AEBP1: variants seen among roughly 807,000 people sequenced by gnomAD.
AEBP1 encodes the protein AE binding protein 1.
Under a neutral mutation model 116.5 loss-of-function variants are expected in AEBP1, and 69 were observed. The observed-to-expected ratio is 0.59, with a 90% CI of 0.49 to 0.72. The LOEUF is 0.72. AEBP1 is among the 30% of genes least tolerant of loss of function. The probability of loss-of-function intolerance (pLI) is 0.00; values close to 1 mark genes in which losing one functional copy is unlikely to be tolerated. For synonymous variants in AEBP1, 627 were observed against 627.3 expected (o/e 1.00, Z 0.01); for missense variants, 1,444 against 1,557.5 (o/e 0.93, Z 1.23).
rs2096231211 is a variant in AEBP1, at chr7:44,112,861, G to A, written c.2521G>A (p.Gly841Ser). 1.2e-6 allele frequency: 2 copies of A among 1,612,278 alleles called. No homozygotes were observed. Among genetic ancestry groups the A allele is most frequent in the Non-Finnish European group, 1.7e-6 (2 of 1,179,472 alleles). The change falls in exon 18 of 21, where the codon GGC becomes AGC. Residue 841 changes from glycine (G) to serine (S), a missense_variant. Transcript: ENST00000223357. This position sits in a 1 kb window ranked among gnomAD's most constrained non-coding sequence, Gnocchi z 6.6. ...AGGCTGCCAAGCCCAGGACTACACC[G>A]GCGGCATGGGCATCGTCAACGGGGC... ...RGGCQAQDYT[G>S]GMGIVNGAKW...
intron 1 of AEBP1, among the ~76,000 whole-genome samples, chr7:44,105,173 C>T (rs959222428): frequency 2.6e-5 from 4 of 152,206 alleles, no homozygotes; most frequent in African/African-American, 9.6e-5. Context: ...TGTGGTTGTA[C>T]GGGTCGCTTA....
At position 44,108,030 on chromosome 7, in the gene AEBP1, C is replaced by T. The variant is rs753288702; in HGVS notation, c.886C>T (p.Pro296Ser). The change falls in exon 6 of 21, where the codon CCC becomes TCC. Residue 296 changes from proline (P) to serine (S), a missense_variant. By Grantham distance (74) the Pro-to-Ser change is moderately conservative. Coordinates refer to ENST00000223357, the MANE Select transcript of AEBP1 (RefSeq NM_001129.5). This position sits in a 1 kb window ranked among gnomAD's most constrained non-coding sequence, Gnocchi z 5.0. ...AGAGCCTCCTGTGAAGCCTCTGCTGCCCCCGCTGCCCCCTGACTATGGTGA... is the reference window on the plus strand; with the variant it reads ...AGAGCCTCCTGTGAAGCCTCTGCTGTCCCCGCTGCCCCCTGACTATGGTGA... ...RIEPPVKPLL[P>S]PLPPDYGDGY... The T allele has an allele frequency of 1.1e-5, 18 of 1,595,174 alleles. No homozygotes were observed. In the South Asian group the frequency reaches 1.5e-4, roughly 13 times the overall value.
At position 44,108,687 on chromosome 7, in the gene AEBP1, C is replaced by G. The variant is rs1245053033; in HGVS notation, c.941-212C>G. Among the ~76,000 whole-genome samples, 1 of 152,198 alleles carries G rather than the reference C, an allele frequency of 6.6e-6. No homozygotes were observed. The highest frequency in any genetic ancestry group is 6.5e-5 in the Admixed American group (1 of 15,288). On this transcript the variant is annotated intron_variant, in intron 6 of 20. Transcript: ENST00000223357. The surrounding 1 kb of genome is among the most constrained non-coding windows in gnomAD (Gnocchi z 5.0). ...CCCCAGGCCAGATGCTCCTGGAAGG[C>G]CGGGCTGGTGACTTCAGCAGGGTCT... is the stretch of plus-strand genomic sequence containing the variant.
rs1392862513 is a variant in AEBP1, at chr7:44,107,161, G to A, written c.595+274G>A. On this transcript the variant is annotated intron_variant, in intron 2 of 20. Coordinates refer to ENST00000223357, the MANE Select transcript of AEBP1 (RefSeq NM_001129.5). The surrounding 1 kb of genome is among the most constrained non-coding windows in gnomAD (Gnocchi z 4.3). ...AGATGTCCCTGGGCTCTGAGCCCATGGAGTTCCCTCCTGCCTTCTCCCGCT... is the reference window on the plus strand; with the variant it reads ...AGATGTCCCTGGGCTCTGAGCCCATAGAGTTCCCTCCTGCCTTCTCCCGCT... Among the ~76,000 whole-genome samples, 1 of 152,206 alleles carries A rather than the reference G, an allele frequency of 6.6e-6. No homozygotes were observed. Among genetic ancestry groups the A allele is most frequent in the Non-Finnish European group, 1.5e-5 (1 of 68,024 alleles).
At position 44,107,423 on chromosome 7, in the gene AEBP1, A is replaced by G; in HGVS notation, c.596-16A>G. ...AGGCCTCCCGCCCACCTGCTTCTGG[A>G]ACTCCTGTGTTGCAGGGGCGCCCCT... On this transcript the variant is annotated splice_polypyrimidine_tract_variant and intron_variant, in intron 2 of 20. Transcript: ENST00000223357. This position sits in a 1 kb window ranked among gnomAD's most constrained non-coding sequence, Gnocchi z 4.3. 1 of 1,612,952 alleles carries G rather than the reference A, an allele frequency of 6.2e-7. No homozygotes were observed. Among genetic ancestry groups the G allele is most frequent in the Non-Finnish European group, 8.5e-7 (1 of 1,179,822 alleles).
In AEBP1 at chr7:44,109,252, G is replaced by A. The variant is rs747368840; in HGVS notation, c.1097-36G>A. On this transcript the variant is annotated intron_variant, in intron 8 of 20. Transcript: ENST00000223357. ...ATCTGGACTCCTGATTGCCTCCCGG[G>A]CCCTTGGTGCCATGTCCTCCCTTCA... The A allele has an allele frequency of 2.7e-5, 44 of 1,611,562 alleles. No individual in the cohort carries two copies. In the African/African-American group the frequency reaches 3.2e-4, roughly 12 times the overall value.
Position 44,112,054 on chromosome 7 carries a change from G to T in AEBP1, c.2037+4G>T, listed in dbSNP as rs756351107. The stretch of plus-strand genomic sequence containing the variant: ...CTACGAGGTGGCAGCGCAGATGGTG[G>T]GTTGAAGGGTGAGGCTGGCCAGGGT... On this transcript the variant is annotated splice_donor_region_variant and intron_variant, in intron 16 of 20. Coordinates refer to ENST00000223357, the MANE Select transcript of AEBP1 (RefSeq NM_001129.5). The surrounding 1 kb of genome is among the most constrained non-coding windows in gnomAD (Gnocchi z 6.6). The T allele has an allele frequency of 6.2e-7, 1 of 1,611,006 alleles. No homozygotes were observed. Among genetic ancestry groups the T allele is most frequent in the East Asian group, 2.2e-5 (1 of 44,806 alleles).
At position 44,112,624 on chromosome 7, in the gene AEBP1, C is replaced by G. The variant is rs1050913208; in HGVS notation, c.2284C>G (p.Leu762Val). 11 of 1,610,972 alleles carry G rather than the reference C, an allele frequency of 6.8e-6. No individual in the cohort carries two copies. In the African/African-American group the frequency reaches 1.3e-4, roughly 20 times the overall value. Residue 762 changes from leucine (L) to valine (V), a missense_variant, in exon 18 of 21, where the codon CTG (leucine) becomes GTG (valine). Physicochemically the swap from Leu to Val is conservative, Grantham distance 32. Coordinates refer to ENST00000223357, the MANE Select transcript of AEBP1 (RefSeq NM_001129.5). The surrounding 1 kb of genome is among the most constrained non-coding windows in gnomAD (Gnocchi z 6.6). Reference sequence around the variant, plus strand: ...GAACCCCTTCGTGCTGGGAGCAAATCTGAACGGCGGCGAGCGGCTAGTATC... The same window carrying G: ...GAACCCCTTCGTGCTGGGAGCAAATGTGAACGGCGGCGAGCGGCTAGTATC... ...EKNPFVLGAN[L>V]NGGERLVSYP... is the part of the protein sequence containing the mutation.
At position 44,109,506 on chromosome 7, in the gene AEBP1, G is replaced by A. The variant is rs11975703; in HGVS notation, c.1150+165G>A. 0.43 allele frequency: 333,287 copies of A among 779,210 alleles called. 74,100 individuals carry two copies. The highest frequency in any genetic ancestry group is 0.47 in the Non-Finnish European group (237,658 of 506,218). 48.3% of individuals were successfully genotyped at this position (779,210 alleles called of 1,614,324 possible). On this transcript the variant is annotated intron_variant, in intron 9 of 20. Coordinates refer to ENST00000223357, the MANE Select transcript of AEBP1 (RefSeq NM_001129.5). ...GGCCCCGGGAGCCCAGGATAGCCTC[G>A]CTTGGCTGCCCCAGCCCTGGACCCC... is the stretch of plus-strand genomic sequence containing the variant.
rs1467090577 is a variant in AEBP1 at position 44,104,775 on chromosome 7, T to G, written c.110T>G (p.Phe37Cys). 6.2e-7 allele frequency: 1 copy of G among 1,611,292 alleles called. No homozygotes were observed. Among genetic ancestry groups the G allele is most frequent in the African/African-American group, 1.3e-5 (1 of 74,874 alleles). The change falls in exon 1 of 21, where the codon TTC becomes TGC. Residue 37 changes from phenylalanine (F) to cysteine (C), a missense_variant. Coordinates refer to ENST00000223357, the MANE Select transcript of AEBP1 (RefSeq NM_001129.5). ...CTGACCGACGACGAGATCGAGGAGTTCCTCGAGGGCTTCCTGTCAGAGCTA... is the reference window on the plus strand; with the variant it reads ...CTGACCGACGACGAGATCGAGGAGTGCCTCGAGGGCTTCCTGTCAGAGCTA... The part of the protein sequence containing the change: ...TVLTDDEIEE[F>C]LEGFLSELEP...
rs1408696317 is a variant in AEBP1 at position 44,109,284 on chromosome 7, C to T, written c.1097-4C>T. ...GTGCCATGTCCTCCCTTCATTGTCCCTAGAGCCCCGAAAGGGCGAGGAGTT... is the reference window on the plus strand; with the variant it reads ...GTGCCATGTCCTCCCTTCATTGTCCTTAGAGCCCCGAAAGGGCGAGGAGTT... On this transcript the variant is annotated splice_region_variant and splice_polypyrimidine_tract_variant and intron_variant, in intron 8 of 20. Coordinates refer to ENST00000223357, the MANE Select transcript of AEBP1 (RefSeq NM_001129.5). The T allele has an allele frequency of 1.2e-6, 2 of 1,609,946 alleles. No homozygotes were observed. Among genetic ancestry groups the T allele is most frequent in the African/African-American group, 1.3e-5 (1 of 74,632 alleles).
rs370460254 is a variant in AEBP1, at chr7:44,109,047, C to A, written c.1019-60C>A. 66 of 1,611,220 alleles carry A rather than the reference C, an allele frequency of 4.1e-5. No individual in the cohort carries two copies. In the African/African-American group the frequency reaches 4.5e-4, roughly 11 times the overall value. ...CACCTGGGGCCTGCCTGATCCACCCCACATGGTCCTCAAAGCCCAGAGCCA... is the reference window on the plus strand; with the variant it reads ...CACCTGGGGCCTGCCTGATCCACCCAACATGGTCCTCAAAGCCCAGAGCCA... On this transcript the variant is annotated intron_variant, in intron 7 of 20. Transcript: ENST00000223357.
Position 44,111,346 on chromosome 7 carries a change from T to C in AEBP1, c.1716+107T>C, listed in dbSNP as rs1337837392. 1 of 1,404,176 alleles carries C rather than the reference T, an allele frequency of 7.1e-7. No individual in the cohort carries two copies. Among genetic ancestry groups the C allele is most frequent in the Non-Finnish European group, 9.4e-7 (1 of 1,058,618 alleles). 87.0% of individuals were successfully genotyped at this position (1,404,176 alleles called of 1,614,324 possible). A position where few individuals can be genotyped will look rare whatever the true frequency, so the allele number is the denominator to read the frequency against. On this transcript the variant is annotated intron_variant, in intron 14 of 20. Coordinates refer to ENST00000223357, the MANE Select transcript of AEBP1 (RefSeq NM_001129.5). The surrounding 1 kb of genome is among the most constrained non-coding windows in gnomAD (Gnocchi z 4.7). The stretch of plus-strand genomic sequence containing the variant: ...GCCCAGTCCCTACTGGTTCCAGGGA[T>C]GCTGGCTGTCCCTCACCTTAGGAAG...
In AEBP1 at chr7:44,111,250, T is replaced by C; in HGVS notation, c.1716+11T>C. The C allele has an allele frequency of 1.3e-6, 2 of 1,509,680 alleles. No homozygotes were observed. The highest frequency in any genetic ancestry group is 1.8e-6 in the Non-Finnish European group (2 of 1,129,350). 93.5% of individuals were successfully genotyped at this position (1,509,680 alleles called of 1,614,324 possible). On this transcript the variant is annotated intron_variant, in intron 14 of 20. Coordinates refer to ENST00000223357, the MANE Select transcript of AEBP1 (RefSeq NM_001129.5). This position sits in a 1 kb window ranked among gnomAD's most constrained non-coding sequence, Gnocchi z 4.7. ...AAGGACATGCGCCAGGTTGGGAGCATATATCCTGGGGCTGGGGGTGGGACC... is the reference window on the plus strand; with the variant it reads ...AAGGACATGCGCCAGGTTGGGAGCACATATCCTGGGGCTGGGGGTGGGACC...
At position 44,108,655 on chromosome 7, in the gene AEBP1, G is replaced by A. The variant is rs1157718273; in HGVS notation, c.941-244G>A. 1.3e-5 allele frequency among the ~76,000 whole-genome samples: 2 copies of A among 152,160 alleles called. No individual in the cohort carries two copies. Among genetic ancestry groups the A allele is most frequent in the Non-Finnish European group, 2.9e-5 (2 of 68,032 alleles). The stretch of plus-strand genomic sequence containing the variant: ...GCCTTTCCCATGCCCTGGGCCTCGA[G>A]TCCTTTCCCCAGGCCAGATGCTCCT... On this transcript the variant is annotated intron_variant, in intron 6 of 20. Transcript: ENST00000223357. The surrounding 1 kb of genome is among the most constrained non-coding windows in gnomAD (Gnocchi z 5.0).
rs1323042022 is a variant in AEBP1, at chr7:44,114,099, G to A, written c.3315G>A (p.Val1105=). 2.5e-6 allele frequency: 4 copies of A among 1,613,930 alleles called. No individual in the cohort carries two copies. The highest frequency in any genetic ancestry group is 3.4e-6 in the Non-Finnish European group (4 of 1,179,990). ...TGGAGCCCGAGTTTGGGACCAAGGT[G>A]GAGCCCGAGTTTGAGACCCAGTTGG... ...TEVEPEFGTK[V]EPEFETQLEP... Residue 1105 remains valine (V), a synonymous_variant, in exon 21 of 21, where the codon GTG becomes GTA. Transcript: ENST00000223357.
At position 44,113,175 on chromosome 7, in the gene AEBP1, C is replaced by T. The variant is rs374793408; in HGVS notation, c.2709+45C>T. ...GCCTGGGGAGAGGAGGCTGCACAGG[C>T]TCCTGGATGGGCGGGAGGGAGCAGC... On this transcript the variant is annotated intron_variant, in intron 19 of 20. Transcript: ENST00000223357. The surrounding 1 kb of genome is among the most constrained non-coding windows in gnomAD (Gnocchi z 5.3). 4.5e-5 allele frequency: 73 copies of T among 1,613,238 alleles called. No individual in the cohort carries two copies. The African/African-American group carries it at 8.8e-4, about 19-fold the overall frequency.
At position 44,111,509 on chromosome 7, in the gene AEBP1, C is replaced by T. The variant is rs150374163; in HGVS notation, c.1719C>T (p.Leu573=). The T allele has an allele frequency of 3.0e-4, 471 of 1,586,904 alleles. 2 individuals are homozygous for T. In the African/African-American group the frequency reaches 5.9e-3, roughly 20 times the overall value. The change falls in exon 15 of 21, where the codon CTC becomes CTT. Residue 573 remains leucine (L), a splice_region_variant and synonymous_variant. Transcript: ENST00000223357. This position sits in a 1 kb window ranked among gnomAD's most constrained non-coding sequence, Gnocchi z 4.7. ...RHHSYKDMRQ[L]MKVVNEECPT... is the part of the protein sequence containing the mutation. Reference sequence around the variant, plus strand: ...CACGTCCTCCCCCTCTGCCCCAGCTCATGAAGGTGGTGAACGAGGAGTGCC... The same window carrying T: ...CACGTCCTCCCCCTCTGCCCCAGCTTATGAAGGTGGTGAACGAGGAGTGCC...
rs1480138471 is a variant in AEBP1 at position 44,114,001 on chromosome 7, C to G, written c.3217C>G (p.Pro1073Ala). Reference protein sequence around the residue: ...TTIEPWGLIPPTTAGWEESET... With the variant: ...TTIEPWGLIPATTAGWEESET... Reference sequence around the variant, plus strand: ...CATAGAGCCCTGGGGCCTCATACCGCCAACCACCGCTGGCTGGGAGGAGTC... The same window carrying G: ...CATAGAGCCCTGGGGCCTCATACCGGCAACCACCGCTGGCTGGGAGGAGTC... Residue 1073 changes from proline (P) to alanine (A), a missense_variant, in exon 21 of 21, where the codon CCA becomes GCA. Transcript: ENST00000223357. 1.2e-6 allele frequency: 2 copies of G among 1,613,962 alleles called. No individual in the cohort carries two copies. The highest frequency in any genetic ancestry group is 2.2e-5 in the South Asian group (2 of 91,058).
Sources: allele counts gnomAD v4.1 joint callset (sites outside exome capture counted in the v4.1 genomes callset), GRCh38; gene constraint gnomAD v4.1.1; non-coding constraint Gnocchi (gnomAD v3.1); transcripts MANE v1.5; gene names NCBI Gene and HGNC (gene_info 2026-07-23, HGNC 2026-07-21).